Variants in RP1 observed in about 807,000 individuals in gnomAD.
RP1 encodes RP1 axonemal microtubule associated.
A neutral mutation model predicts 14.8 loss-of-function variants in RP1; 16 were observed. The ratio of observed to expected loss-of-function variants is 1.08; its 90% CI spans 0.73 to 1.65. RP1 has a LOEUF of 1.65. RP1 is among the 40% of genes most tolerant of loss of function. RP1 has a pLI of 0.00. For synonymous variants in RP1, 876 were observed against 883.6 expected, an observed-to-expected ratio of 0.99 and a Z score of 0.15; for missense variants, 2,631 against 2,535.0, an observed-to-expected ratio of 1.04 and a Z score of -0.81.
intron 24 of RP1, among the ~76,000 whole-genome samples, chr8:54,820,507 C>T (rs1026401091): frequency 1.3e-5 from 2 of 152,096 alleles, no homozygotes; most frequent in African/African-American, 4.8e-5. Context: ...GCTCTAAATG[C>T]TCCCTTCATG....
chr8:54,624,207 C>T (rs866402576), intron 3 of RP1, among the ~76,000 whole-genome samples: 4 of 151,726 alleles, frequency 2.6e-5, no homozygotes, highest in African/African-American at 4.8e-5. Context: ...TTTGGGAGGC[C>T]GAGGCGGGCG....
intron 4 of RP1, among the ~76,000 whole-genome samples, chr8:54,650,994 A>G (rs1215426249): frequency 6.6e-6 from 1 of 151,540 alleles, no homozygotes; most frequent in African/African-American, 2.4e-5. Flanking sequence ...ATGAAAGGGC[A>G]TTTGATTTTG....
intron 28 of RP1, chr8:54,866,056 C>T (rs1044999792): frequency 1.0e-5 from 4 of 395,596 alleles, no homozygotes; most frequent in East Asian, 3.6e-5. Context: ...GCCTTCTCTC[C>T]TCAAGAAGCT....
chr8:54,677,407 C>T (rs1450344546), intron 8 of RP1, among the ~76,000 whole-genome samples: 1 of 152,034 alleles, frequency 6.6e-6, no homozygotes, highest in Non-Finnish European at 1.5e-5. Context: ...GAAGAGTAAG[C>T]TGAAGCGTCT....
At chr8:54,726,286 A>G (rs1342879202) in intron 16 of RP1, 1 of 1,480,238 alleles carries the variant, frequency 6.8e-7, no homozygotes, top group East Asian at 2.5e-5. Flanking sequence ...TATGATGAGT[A>G]TTCTGAGAAG....
chr8:54,809,787 A>G (rs1404544246), intron 24 of RP1, among the ~76,000 whole-genome samples: 1 of 152,216 alleles, frequency 6.6e-6, no homozygotes, highest in African/African-American at 2.4e-5. Context: ...GACTTCAGCT[A>G]TATTATTTAA....
rs750572585 is a variant in RP1, at chr8:54,621,279, C to T, written c.313C>T (p.Leu105=). ...LEELEDGESY[L]CSHGRKVQPV... ...GGAGCTGGAGGACGGCGAGTCCTACCTATGTTCCCACGGCAGGAAGGTGCA... is the reference window on the plus strand; with the variant it reads ...GGAGCTGGAGGACGGCGAGTCCTACTTATGTTCCCACGGCAGGAAGGTGCA... The change falls in exon 2 of 4, where the codon CTA becomes TTA. Residue 105 remains leucine (L), a synonymous_variant. Transcript: ENST00000220676. The T allele has an allele frequency of 1.2e-5, 20 of 1,614,050 alleles. No homozygotes were observed. The highest frequency in any genetic ancestry group is 1.7e-5 in the Non-Finnish European group (20 of 1,180,022).
At chr8:54,783,713 A>T in intron 24 of RP1, 1 of 1,229,242 alleles carries the variant, frequency 8.1e-7, no homozygotes, top group Non-Finnish European at 1.0e-6. Context: ...TATTCAAGGT[A>T]AAAATGATAC....
chr8:54,720,406 C>T, intron 16 of RP1: 1 of 1,053,242 alleles, frequency 9.5e-7, no homozygotes, highest in Non-Finnish European at 1.3e-6. Context: ...CAAATCTCTG[C>T]TGCTAGGCTT....
At chr8:54,737,473 A>G (rs909856115) in intron 18 of RP1, among the ~76,000 whole-genome samples, 2 of 152,218 alleles carry the variant, frequency 1.3e-5, no homozygotes, top group Non-Finnish European at 2.9e-5. Context: ...AAGGATATTT[A>G]AAGTGTGGTT....
At chr8:54,569,115 T>C (rs945870203) in intron 1 of RP1, among the ~76,000 whole-genome samples, 2 of 152,218 alleles carry the variant, frequency 1.3e-5, no homozygotes, top group Non-Finnish European at 2.9e-5. Flanking sequence ...AAAGTTACGT[T>C]CCCAGGAGAG....
chr8:54,807,196 A>G (rs1810872791), intron 24 of RP1, among the ~76,000 whole-genome samples: 1 of 152,230 alleles, frequency 6.6e-6, no homozygotes, highest in Non-Finnish European at 1.5e-5. Context: ...TTATGAGGCC[A>G]GGTCTGTCAA....
At chr8:54,570,685 C>A (rs542398977) in intron 1 of RP1, among the ~76,000 whole-genome samples, 2 of 151,112 alleles carry the variant, frequency 1.3e-5, no homozygotes, top group African/African-American at 4.9e-5. Context: ...AACAAACACA[C>A]GGAACACATT....
At chr8:54,668,490 A>AT (rs1807069266) in intron 7 of RP1, among the ~76,000 whole-genome samples, 1 of 152,212 alleles carries the variant, frequency 6.6e-6, no homozygotes, top group South Asian at 2.1e-4. Flanking sequence ...CCATCAAGCT[A>AT]CTAATGACTT....
intron 1 of RP1, among the ~76,000 whole-genome samples, chr8:54,574,255 C>T (rs542160461): frequency 6.6e-6 from 1 of 152,194 alleles, no homozygotes; most frequent in Admixed American, 6.5e-5. Context: ...CAGGGAGGCT[C>T]CAGGTGTCAT....
At chr8:54,747,842 G>C (rs752029633) in intron 19 of RP1, among the ~76,000 whole-genome samples, 28 of 152,212 alleles carry the variant, frequency 1.8e-4, no homozygotes, top group Non-Finnish European at 3.4e-4. Flanking sequence ...ATATAGCCTG[G>C]AGAGTCTTGG....
chr8:54,715,293 A>G (rs1296416845), intron 15 of RP1, among the ~76,000 whole-genome samples: 1 of 152,148 alleles, frequency 6.6e-6, no homozygotes, highest in Non-Finnish European at 1.5e-5. Flanking sequence ...AGGAAGGCGC[A>G]CCTTTTGCAG....
chr8:54,624,875 G>T lies in RP1; in HGVS notation c.993G>T (p.Met331Ile). Residue 331 changes from methionine (M) to isoleucine (I), a missense_variant, in exon 4 of 4, where the codon ATG becomes ATT. Physicochemically the swap from Met to Ile is conservative, Grantham distance 10. Transcript: ENST00000220676. ...TTATTTTTAATCAAGACGGCACTAT[G>T]ACAGTTGAGATGAAAGTTCGATTCA... ...KSIIFNQDGT[M>I]TVEMKVRFRI... 1 of 1,613,828 alleles carries T rather than the reference G, an allele frequency of 6.2e-7. No individual in the cohort carries two copies. Among genetic ancestry groups the T allele is most frequent in the South Asian group, 1.1e-5 (1 of 90,970 alleles).
rs573018509 is a variant in RP1, at chr8:54,845,649, A to G, written c.3836-6925A>G. ...ATTCTTTCATGCTTTATTCAAAATTATCCTAAATTGAGGAGATTGCTTCCT... is the reference window on the plus strand; with the variant it reads ...ATTCTTTCATGCTTTATTCAAAATTGTCCTAAATTGAGGAGATTGCTTCCT... On this transcript the variant is annotated intron_variant, in intron 25 of 28. Coordinates refer to the RP1 transcript ENST00000637698. 9.6e-4 allele frequency among the ~76,000 whole-genome samples: 147 copies of G among 152,340 alleles called. 3 individuals carry two copies. The highest frequency in any genetic ancestry group is 3.3e-3 in the African/African-American group (137 of 41,578).
Sources: gnomAD v4.1 joint callset for allele counts (sites outside exome capture counted in the v4.1 genomes callset) on GRCh38, gnomAD v4.1.1 for gene constraint, MANE v1.5 for transcripts, NCBI Gene and HGNC (gene_info 2026-07-23, HGNC 2026-07-21) for gene names.